Variants in CSMD3 observed in about 807,000 individuals in gnomAD.
CSMD3 encodes the protein CUB and Sushi multiple domains 3, also known as CUB and sushi domain-containing protein 3.
In CSMD3, 177 loss-of-function variants were observed where a neutral mutation model predicts 435.2. That is an observed-to-expected ratio of 0.41 (90% CI 0.36 to 0.46). The LOEUF is 0.46. Ranked by LOEUF, CSMD3 falls within the 20% of genes least tolerant of loss-of-function variation. CSMD3 has a pLI of 0.34. For synonymous variants in CSMD3, 1,656 were observed against 1,520.5 expected (o/e 1.09, Z -2.07); for missense variants, 4,265 against 4,504.6 (o/e 0.95, Z 1.52).
intron 32 of CSMD3, among the ~76,000 whole-genome samples, chr8:112,446,241 G>A (rs1815594891): frequency 6.6e-6 from 1 of 152,146 alleles, no homozygotes; most frequent in Admixed American, 6.6e-5. Flanking sequence ...CATGCCCAGT[G>A]ACAAACTGTC....
intron 1 of CSMD3, chr8:113,377,166 C>T (rs915104930): frequency 4.5e-5 from 56 of 1,244,682 alleles, no homozygotes; most frequent in Non-Finnish European, 5.6e-5. Flanking sequence ...CCCCGGAAAC[C>T]CTGCAAACCC....
chr8:112,569,051 G>C (rs926450415), intron 24 of CSMD3, among the ~76,000 whole-genome samples: 1 of 152,098 alleles, frequency 6.6e-6, no homozygotes, highest in Non-Finnish European at 1.5e-5. Flanking sequence ...GGAAAATTAA[G>C]GCAGAACCAT....
chr8:112,829,739 G>C lies in CSMD3; in HGVS notation c.1806C>G (p.Thr602=), dbSNP rs753589059. 8.7e-6 allele frequency: 14 copies of C among 1,613,228 alleles called. No individual in the cohort carries two copies. In the South Asian group the frequency reaches 1.1e-4, roughly 13 times the overall value. ...EEFDLEIGYD[T]LTIGDGGEVG... ...CTTCGCCCCCATCGCCAATTGTCAA[G>C]GTATCATAGCCAATCTCCAGATCAA... Residue 602 remains threonine, a synonymous_variant, in exon 12 of 71, where the codon ACC becomes ACG. Transcript: ENST00000297405.
At chr8:112,721,081 T>C (rs1051506357) in intron 13 of CSMD3, among the ~76,000 whole-genome samples, 1 of 152,136 alleles carries the variant, frequency 6.6e-6, no homozygotes, top group Non-Finnish European at 1.5e-5. Flanking sequence ...AAATGCCAAC[T>C]CTAGATTAGA....
chr8:112,297,449 T>A (rs1419133561), intron 53 of CSMD3, among the ~76,000 whole-genome samples: 1 of 152,044 alleles, frequency 6.6e-6, no homozygotes, highest in East Asian at 1.9e-4. Context: ...TTACTGTAAT[T>A]TTGACATAAT....
chr8:113,378,962 A>C (rs1335313029), intron 1 of CSMD3, among the ~76,000 whole-genome samples: 1 of 152,190 alleles, frequency 6.6e-6, no homozygotes, highest in East Asian at 1.9e-4. Flanking sequence ...GAGGAGGTAG[A>C]AAGGGATCAT....
At chr8:112,620,711 C>T (rs1834002560) in intron 22 of CSMD3, among the ~76,000 whole-genome samples, 1 of 152,080 alleles carries the variant, frequency 6.6e-6, no homozygotes, top group South Asian at 2.1e-4. Context: ...CCAGTCCAGA[C>T]CCTGCATTTG....
At chr8:112,782,755 C>A (rs2078423970) in intron 13 of CSMD3, among the ~76,000 whole-genome samples, 1 of 151,806 alleles carries the variant, frequency 6.6e-6, no homozygotes, top group Admixed American at 6.6e-5. Context: ...TCAGATTTTT[C>A]AGTGGAAACC....
chr8:112,234,585 A>C (rs1420129015), intron 67 of CSMD3, 108 bp from the exon 68 acceptor site: 1 of 742,148 alleles, frequency 1.3e-6, no homozygotes, highest in African/African-American at 1.8e-5. Flanking sequence ...TAATTAAAAA[A>C]AGAAATAAAA....
At chr8:112,873,479 C>G (rs1297545493) in intron 10 of CSMD3, among the ~76,000 whole-genome samples, 1 of 151,878 alleles carries the variant, frequency 6.6e-6, no homozygotes, top group Admixed American at 6.6e-5. Flanking sequence ...TCCATTCTTC[C>G]AAATCCTTAC....
intron 6 of CSMD3, among the ~76,000 whole-genome samples, chr8:113,004,258 A>G (rs2085973506): frequency 6.6e-6 from 1 of 152,068 alleles, no homozygotes; most frequent in African/African-American, 2.4e-5. Flanking sequence ...CCACAGCCCT[A>G]CTTATTATTT....
At chr8:113,149,369 T>C (rs2091753940) in intron 4 of CSMD3, among the ~76,000 whole-genome samples, 1 of 151,768 alleles carries the variant, frequency 6.6e-6, no homozygotes, top group African/African-American at 2.4e-5. Context: ...TTTTTTTACT[T>C]ACTAATACAG....
chr8:113,347,037 A>C (rs1376493824), intron 1 of CSMD3, among the ~76,000 whole-genome samples: 1 of 152,068 alleles, frequency 6.6e-6, no homozygotes, highest in Non-Finnish European at 1.5e-5. Flanking sequence ...ACAGTTTACA[A>C]AATCCAGAAG....
intron 32 of CSMD3, among the ~76,000 whole-genome samples, chr8:112,454,438 C>G (rs573233619): frequency 2.3e-4 from 35 of 152,104 alleles, no homozygotes. Flanking sequence ...ATAACTCCAC[C>G]AAAACATGGG....
intron 13 of CSMD3, among the ~76,000 whole-genome samples, chr8:112,797,563 CA>C (rs2078858279): frequency 6.6e-6 from 1 of 151,732 alleles, no homozygotes; most frequent in South Asian, 2.1e-4. Context: ...ATTTAGAGGA[CA>C]TGTACATTTA....
intron 4 of CSMD3, among the ~76,000 whole-genome samples, chr8:113,119,110 T>C (rs926352260): frequency 6.6e-6 from 1 of 152,158 alleles, no homozygotes; most frequent in African/African-American, 2.4e-5. Context: ...AAAAATAGGC[T>C]ACCTCTCACT....
chr8:113,229,116 T>C (rs1365870288), intron 3 of CSMD3, among the ~76,000 whole-genome samples: 1 of 151,642 alleles, frequency 6.6e-6, no homozygotes, highest in African/African-American at 2.4e-5. Context: ...GAATCTACAA[T>C]TTGACAGACA....
At position 113,358,628 on chromosome 8, in the gene CSMD3, GGGAGTATGTT is replaced by G. The variant is rs1226609320; in HGVS notation, c.179-43845_179-43836del. 3.3e-5 allele frequency among the ~76,000 whole-genome samples: 5 copies of G among 152,312 alleles called. No homozygotes were observed. In the East Asian group the frequency reaches 5.8e-4, roughly 18 times the overall value. On this transcript the variant is annotated intron_variant, in intron 1 of 70. Transcript: ENST00000297405. ...CTTACAATCATGGCAGAAGGCAAAG[GGGAGTATGTT>G]GGAGTATGATATGGAGAGAAAAAGA... is the stretch of plus-strand genomic sequence containing the variant.
At chr8:112,709,424 A>G (rs2076564760) in intron 13 of CSMD3, among the ~76,000 whole-genome samples, 1 of 152,066 alleles carries the variant, frequency 6.6e-6, no homozygotes, top group South Asian at 2.1e-4. Flanking sequence ...GGTTAACTAC[A>G]TTTTGAATAG....
Sources: gnomAD v4.1 joint callset for allele counts (sites outside exome capture counted in the v4.1 genomes callset) on GRCh38, gnomAD v4.1.1 for gene constraint, MANE v1.5 for transcripts, NCBI Gene and HGNC (gene_info 2026-07-23, HGNC 2026-07-21) for gene names.